Variants in EDA observed in about 807,000 individuals in gnomAD.
The protein encoded by EDA is ectodysplasin A, also known as ectodysplasin-A.
In EDA, 2 loss-of-function variants were observed where a neutral mutation model predicts 23.6. That is an observed-to-expected ratio of 0.08 (90% CI 0.03 to 0.27). EDA has a LOEUF of 0.27. Among genes scored for constraint, EDA ranks in the 10% least tolerant of loss-of-function variants. EDA has a pLI of 1.00. For synonymous variants in EDA, 131 were observed against 132.0 expected (o/e 0.99, Z 0.05); for missense variants, 229 against 324.2 (o/e 0.71, Z 2.26).
intron 1 of EDA, among the ~76,000 whole-genome samples, chrX:69,931,508 G>T (rs905902569): frequency 2.7e-5 from 3 of 111,164 alleles, no homozygotes; most frequent in Non-Finnish European, 3.8e-5. Context: ...GCCAGATCTT[G>T]TCTCTAAAAA....
intron 1 of EDA, among the ~76,000 whole-genome samples, chrX:69,660,573 T>C (rs1933456726): frequency 9.3e-6 from 1 of 107,780 alleles, no homozygotes; most frequent in Non-Finnish European, 1.9e-5. Context: ...TTCCCACCTA[T>C]GAGTGAGTAC....
chrX:69,619,996 A>C (rs1323039268), intron 1 of EDA, among the ~76,000 whole-genome samples: 1 of 111,970 alleles, frequency 8.9e-6, no homozygotes, highest in African/African-American at 3.2e-5. Flanking sequence ...AAAAGTCCTC[A>C]AAAACCCCAT....
chrX:69,677,564 T>C (rs2147276010), intron 1 of EDA, among the ~76,000 whole-genome samples: 1 of 112,935 alleles, frequency 8.9e-6, no homozygotes, highest in South Asian at 3.6e-4. Context: ...TTGATTTGCA[T>C]TTCTCTGATG....
intron 1 of EDA, among the ~76,000 whole-genome samples, chrX:69,846,412 A>C (rs1029654426): frequency 3.6e-5 from 4 of 110,717 alleles, no homozygotes; most frequent in Non-Finnish European, 7.5e-5. Context: ...CTCCCACTTC[A>C]GCCTCCCGAG....
In EDA at chrX:69,933,935, C is replaced by T. The variant is rs368172310; in HGVS notation, c.397-23092C>T. ...ATTTTGAAGGCATTCCTCCATTGTTCTCTCTAAGAGCCAGCGTTGCTGATG... is the reference window on the plus strand; with the variant it reads ...ATTTTGAAGGCATTCCTCCATTGTTTTCTCTAAGAGCCAGCGTTGCTGATG... On this transcript the variant is annotated intron_variant, in intron 1 of 7. Coordinates refer to ENST00000374552, the MANE Select transcript of EDA (RefSeq NM_001399.5). Among the ~76,000 whole-genome samples, 13 of 112,841 alleles carry T rather than the reference C, an allele frequency of 1.2e-4. No homozygotes were observed. The East Asian group carries it at 3.1e-3, about 27-fold the overall frequency.
intron 1 of EDA, among the ~76,000 whole-genome samples, chrX:69,899,039 G>A (rs1199622511): frequency 8.9e-6 from 1 of 112,235 alleles, no homozygotes; most frequent in Non-Finnish European, 1.9e-5. Flanking sequence ...ATGAAGTATA[G>A]TACTGAAGAG....
chrX:69,681,727 ATTTT>A (rs1421589484), intron 1 of EDA, among the ~76,000 whole-genome samples: 1 of 109,159 alleles, frequency 9.2e-6, no homozygotes, highest in Admixed American at 9.8e-5. Context: ...ATTCTTCTAA[ATTTT>A]TTTCAAAGTT....
rs73546231 is a variant in EDA at position 69,705,597 on chromosome X, G to C, written c.396+88893G>C. Among the ~76,000 whole-genome samples the C allele has an allele frequency of 4.1e-3, 458 of 112,237 alleles. 1 individual carries two copies. Among genetic ancestry groups the C allele is most frequent in the African/African-American group, 0.014 (432 of 30,943 alleles). ...GCCCTAAGCAATTTTTAGTTAGGCT[G>C]CTCATTATATTTGTCTTTGGGCTTT... On this transcript the variant is annotated intron_variant, in intron 1 of 7. Coordinates refer to ENST00000374552, the MANE Select transcript of EDA (RefSeq NM_001399.5).
chrX:69,735,794 G>T (rs758625119), intron 1 of EDA, among the ~76,000 whole-genome samples: 2 of 111,802 alleles, frequency 1.8e-5, no homozygotes, highest in African/African-American at 6.5e-5. Flanking sequence ...GAGCCAATCA[G>T]TTCCACAACT....
At chrX:69,689,877 A>G (rs142989023) in intron 1 of EDA, among the ~76,000 whole-genome samples, 1,767 of 111,869 alleles carry the variant, frequency 0.016, 31 homozygotes, top group African/African-American at 0.055. Flanking sequence ...TAAGTTCTAC[A>G]CATCTTTTGT....
chrX:69,825,016 A>C (rs1251881927), intron 1 of EDA, among the ~76,000 whole-genome samples: 1 of 85,254 alleles, frequency 1.2e-5, no homozygotes, highest in Non-Finnish European at 2.2e-5. Flanking sequence ...ATTTGCGTAT[A>C]TTGAACCAGC....
intron 1 of EDA, among the ~76,000 whole-genome samples, chrX:69,734,540 T>G (rs966005193): frequency 2.7e-5 from 3 of 111,999 alleles, no homozygotes; most frequent in Non-Finnish European, 5.6e-5. Flanking sequence ...ATGTTAGTCT[T>G]TCTATTCTGA....
chrX:69,975,532 T>C (rs2019305736), intron 2 of EDA, among the ~76,000 whole-genome samples: 1 of 111,085 alleles, frequency 9.0e-6, no homozygotes, highest in African/African-American at 3.3e-5. Flanking sequence ...CTATGCTCAC[T>C]ATCTGGTGAT....
chrX:69,829,603 G>C (rs2016556854), intron 1 of EDA, among the ~76,000 whole-genome samples: 1 of 112,000 alleles, frequency 8.9e-6, no homozygotes, highest in African/African-American at 3.2e-5. Context: ...GCTTCATCCA[G>C]TGGTTTGCTG....
At chrX:69,915,145 T>C (rs2018321830) in intron 1 of EDA, among the ~76,000 whole-genome samples, 1 of 111,974 alleles carries the variant, frequency 8.9e-6, no homozygotes, top group Non-Finnish European at 1.9e-5. Flanking sequence ...ATTTTACCTT[T>C]TCTATCCTCT....
intron 1 of EDA, among the ~76,000 whole-genome samples, chrX:69,647,636 C>G (rs1282111048): frequency 3.6e-5 from 4 of 111,583 alleles, no homozygotes; most frequent in African/African-American, 1.3e-4. Context: ...TTACAACATG[C>G]TCCTTTAGCT....
At chrX:69,887,668 A>G (rs1357915448) in intron 1 of EDA, among the ~76,000 whole-genome samples, 4 of 112,131 alleles carry the variant, frequency 3.6e-5, no homozygotes, top group African/African-American at 1.3e-4. Flanking sequence ...AAGACAAAGC[A>G]TCAAGAGATA....
intron 1 of EDA, among the ~76,000 whole-genome samples, chrX:69,830,410 G>T (rs776969003): frequency 1.8e-5 from 2 of 111,327 alleles, no homozygotes; most frequent in Non-Finnish European, 3.8e-5. Context: ...ACTGGCTACT[G>T]CTGAGGTAAT....
chrX:69,952,944 G>A (rs952103998), intron 1 of EDA, among the ~76,000 whole-genome samples: 1 of 111,903 alleles, frequency 8.9e-6, no homozygotes, highest in Non-Finnish European at 1.9e-5. Context: ...GGTAATGGCG[G>A]GGAGGTTCTT....
Sources: allele counts gnomAD v4.1 joint callset (sites outside exome capture counted in the v4.1 genomes callset), GRCh38; gene constraint gnomAD v4.1.1; transcripts MANE v1.5; gene names NCBI Gene and HGNC (gene_info 2026-07-23, HGNC 2026-07-21).